Variants in HNF4G observed in about 807,000 individuals in gnomAD.
HNF4G encodes the protein hepatocyte nuclear factor 4-gamma.
A neutral mutation model predicts 50.9 loss-of-function variants in HNF4G; 21 were observed. The observed-to-expected ratio is 0.41, with a 90% CI of 0.29 to 0.59. The LOEUF is 0.59. HNF4G is among the 20% of genes least tolerant of loss of function. The pLI is 0.26. For missense variants in HNF4G, 527 were observed against 559.4 expected (o/e 0.94, Z 0.58); for synonymous variants, 198 against 185.6 (o/e 1.07, Z -0.54).
chr8:75,494,840 A>G (rs1007773515), intron 2 of HNF4G, among the ~76,000 whole-genome samples: 1 of 152,070 alleles, frequency 6.6e-6, no homozygotes, highest in Admixed American at 6.5e-5. Flanking sequence ...TATTTATTTA[A>G]CAATAAACAT....
intron 1 of HNF4G, among the ~76,000 whole-genome samples, chr8:75,476,611 TTTG>T (rs911956703): frequency 6.6e-6 from 1 of 152,198 alleles, no homozygotes; most frequent in African/African-American, 2.4e-5. Context: ...GTTTTTAAAA[TTTG>T]TTGTTGTTTT....
chr8:75,418,205 GT>G (rs1810687260), intron 1 of HNF4G, among the ~76,000 whole-genome samples: 1 of 152,064 alleles, frequency 6.6e-6, no homozygotes, highest in African/African-American at 2.4e-5. Context: ...CCCTAGATTG[GT>G]GTGCTGTCTG....
intron 6 of HNF4G, among the ~76,000 whole-genome samples, chr8:75,556,781 T>C (rs1001034153): frequency 2.0e-5 from 3 of 152,178 alleles, no homozygotes; most frequent in Admixed American, 1.3e-4. Context: ...GTGCTAGATG[T>C]TTTAGCCCCA....
chr8:75,455,822 A>G (rs1032154144), intron 1 of HNF4G, among the ~76,000 whole-genome samples: 2 of 152,138 alleles, frequency 1.3e-5, no homozygotes, highest in African/African-American at 2.4e-5. Flanking sequence ...TGCTGCTTCT[A>G]AAATACTAGT....
At chr8:75,473,019 A>G (rs1400296359) in intron 1 of HNF4G, among the ~76,000 whole-genome samples, 2 of 152,128 alleles carry the variant, frequency 1.3e-5, no homozygotes, top group African/African-American at 2.4e-5. Context: ...ATTTACATAT[A>G]AAAGTGTCAG....
intron 2 of HNF4G, among the ~76,000 whole-genome samples, chr8:75,514,582 A>T (rs540166226): frequency 6.6e-6 from 1 of 151,232 alleles, no homozygotes; most frequent in South Asian, 2.1e-4. Flanking sequence ...CGAACTCCTG[A>T]CCTTGGGATT....
intron 9 of HNF4G, among the ~76,000 whole-genome samples, chr8:75,562,925 T>C (rs1039837752): frequency 2.0e-5 from 3 of 152,188 alleles, no homozygotes; most frequent in Admixed American, 2.0e-4. Context: ...GAAATAATTG[T>C]AAAAGCAGAT....
At chr8:75,459,801 A>C (rs571945830) in intron 1 of HNF4G, among the ~76,000 whole-genome samples, 6 of 152,308 alleles carry the variant, frequency 3.9e-5, no homozygotes, top group Non-Finnish European at 4.4e-5. Flanking sequence ...AATGCTAGCC[A>C]CCTAGAAAAG....
At chr8:75,468,322 C>G (rs7845303) in intron 1 of HNF4G, among the ~76,000 whole-genome samples, 23,154 of 152,062 alleles carry the variant, frequency 0.15, 1,886 homozygotes, top group African/African-American at 0.17. Context: ...TTGCAGAGGT[C>G]ACTTAGGTAT....
chr8:75,422,371 T>C (rs1810794500), intron 1 of HNF4G, among the ~76,000 whole-genome samples: 1 of 152,214 alleles, frequency 6.6e-6, no homozygotes, highest in Admixed American at 6.5e-5. Flanking sequence ...ATTGTTTATA[T>C]GATCAGGGCA....
At chr8:75,541,153 C>A (rs75951962) in intron 1 of HNF4G, among the ~76,000 whole-genome samples, 2,148 of 151,964 alleles carry the variant, frequency 0.014, 24 homozygotes, top group Middle Eastern at 0.079. Flanking sequence ...CATCAGAATC[C>A]TGAATTTAAA....
At chr8:75,417,960 T>TACACACACACAC (rs144672882) in intron 1 of HNF4G, among the ~76,000 whole-genome samples, 1 of 148,768 alleles carries the variant, frequency 6.7e-6, no homozygotes, top group African/African-American at 2.5e-5. Context: ...TGTGTGTGTC[T>TACACACACACAC]ACACACACAC....
chr8:75,431,231 T>C (rs925658250), intron 1 of HNF4G, among the ~76,000 whole-genome samples: 1 of 151,904 alleles, frequency 6.6e-6, no homozygotes, highest in Admixed American at 6.6e-5. Flanking sequence ...GAAAGAGAAA[T>C]TGCAACATAC....
chr8:75,416,734 C>T lies in HNF4G; in HGVS notation c.-144+8572C>T, dbSNP rs914587947. Among the ~76,000 whole-genome samples the T allele has an allele frequency of 3.3e-5, 5 of 152,186 alleles. No individual in the cohort carries two copies. The East Asian group carries it at 9.6e-4, about 29-fold the overall frequency. On this transcript the variant is annotated intron_variant, in intron 1 of 10. Coordinates refer to the HNF4G transcript ENST00000354370. ...TCGCATGGGACCTGCCATTTTCTCA[C>T]AGATAAACCTAGAAGGCTTGAGCTT...
chr8:75,508,154 C>T (rs1015090169), intron 2 of HNF4G, among the ~76,000 whole-genome samples: 9 of 152,046 alleles, frequency 5.9e-5, no homozygotes, highest in African/African-American at 2.2e-4. Flanking sequence ...CTAAATGACC[C>T]TTTTCTGTAT....
chr8:75,488,146 A>G (rs1280083837), intron 1 of HNF4G, among the ~76,000 whole-genome samples: 1 of 152,192 alleles, frequency 6.6e-6, no homozygotes, highest in African/African-American at 2.4e-5. Context: ...GAGGGTAGGA[A>G]CCATGCTTTA....
At chr8:75,430,968 T>G (rs1001259955) in intron 1 of HNF4G, among the ~76,000 whole-genome samples, 4 of 152,044 alleles carry the variant, frequency 2.6e-5, no homozygotes, top group Non-Finnish European at 4.4e-5. Context: ...TATAGATTAT[T>G]AAAAATATGG....
At chr8:75,517,547 C>T (rs1805925612) in intron 2 of HNF4G, among the ~76,000 whole-genome samples, 1 of 152,156 alleles carries the variant, frequency 6.6e-6, no homozygotes, top group African/African-American at 2.4e-5. Flanking sequence ...TATTCAAGTT[C>T]AAAATTCAAT....
intron 6 of HNF4G, among the ~76,000 whole-genome samples, chr8:75,557,594 C>T (rs1807170251): frequency 6.6e-6 from 1 of 152,162 alleles, no homozygotes; most frequent in Admixed American, 6.5e-5. Context: ...GCACTCCAGC[C>T]TGGGCGATAG....
Sources: allele counts gnomAD v4.1 joint callset (sites outside exome capture counted in the v4.1 genomes callset), GRCh38; gene constraint gnomAD v4.1.1; transcripts MANE v1.5; gene names NCBI Gene and HGNC (gene_info 2026-07-23, HGNC 2026-07-21).